Variants in OC90 observed in about 807,000 individuals in gnomAD.
OC90 encodes otoconin-90.
In OC90, 46 loss-of-function variants were observed where a neutral mutation model predicts 47.3. The observed-to-expected ratio is 0.97, with a 90% CI of 0.77 to 1.24. The LOEUF is 1.24. OC90 is among the 50% of genes most tolerant of loss of function. OC90 has a pLI of 0.00. For synonymous variants in OC90, 271 were observed against 219.5 expected, an observed-to-expected ratio of 1.23 and a Z score of -2.07; for missense variants, 688 against 583.9, an observed-to-expected ratio of 1.18 and a Z score of -1.84.
chr8:132,034,352 TAGTC>T (rs1288087356), intron 10 of OC90, among the ~76,000 whole-genome samples: 1 of 152,202 alleles, frequency 6.6e-6, no homozygotes, highest in African/African-American at 2.4e-5. Context: ...AATTAGGAAA[TAGTC>T]AGTAGTAGCT....
intron 2 of OC90, among the ~76,000 whole-genome samples, chr8:132,046,195 G>T (rs1456230613): frequency 1.3e-5 from 2 of 152,104 alleles, no homozygotes; most frequent in Non-Finnish European, 2.9e-5. Flanking sequence ...TATTTAGATT[G>T]CAGGTTTGTT....
At chr8:132,027,349 T>TGATA (rs1237109888) in intron 13 of OC90, among the ~76,000 whole-genome samples, 2 of 151,398 alleles carry the variant, frequency 1.3e-5, no homozygotes, top group African/African-American at 4.9e-5. Flanking sequence ...AATGAGAGAG[T>TGATA]GATATGTAAA....
intron 13 of OC90, among the ~76,000 whole-genome samples, chr8:132,026,934 T>G (rs1822767351): frequency 6.6e-6 from 1 of 152,104 alleles, no homozygotes; most frequent in South Asian, 2.1e-4. Flanking sequence ...CCACTTTCTG[T>G]TCCAGCAATA....
intron 2 of OC90, among the ~76,000 whole-genome samples, chr8:132,048,929 C>T (rs756670092): frequency 1.3e-4 from 19 of 151,560 alleles, no homozygotes; most frequent in Non-Finnish European, 2.2e-4. Context: ...GGCTGAGGCA[C>T]CCACAGGGTG....
At chr8:132,026,350 T>A (rs904486017) in intron 13 of OC90, among the ~76,000 whole-genome samples, 1 of 152,218 alleles carries the variant, frequency 6.6e-6, no homozygotes, top group Non-Finnish European at 1.5e-5. Flanking sequence ...TTTTTTCCTA[T>A]CATATACCAC....
intron 4 of OC90, 105 bp downstream of exon 4, chr8:132,044,328 C>T: frequency 1.4e-6 from 1 of 694,042 alleles, no homozygotes; most frequent in Admixed American, 2.3e-5. Context: ...CTGTGGAGGC[C>T]ATGGGAGCTC....
chr8:132,058,054 G>A (rs1428663641), intron 1 of OC90, among the ~76,000 whole-genome samples: 1 of 152,208 alleles, frequency 6.6e-6, no homozygotes, highest in Non-Finnish European at 1.5e-5. Flanking sequence ...GACCCTTAGG[G>A]TGGCCAGCTT....
intron 13 of OC90, among the ~76,000 whole-genome samples, chr8:132,025,092 G>A (rs570446431): frequency 1.3e-4 from 20 of 152,318 alleles, no homozygotes; most frequent in East Asian, 5.8e-4. Flanking sequence ...ATCCCACTTC[G>A]TGTTTTTTTC....
intron 1 of OC90, among the ~76,000 whole-genome samples, chr8:132,059,004 C>T (rs989299310): frequency 1.3e-5 from 2 of 152,014 alleles, no homozygotes; most frequent in Admixed American, 6.6e-5. Context: ...CATTTATCTC[C>T]TCATTTCCCC....
intron 12 of OC90, among the ~76,000 whole-genome samples, chr8:132,029,559 C>A (rs1016555611): frequency 3.3e-5 from 5 of 151,952 alleles, no homozygotes; most frequent in African/African-American, 1.2e-4. Context: ...GCAAAGGTAC[C>A]ATATGGGCTA....
At chr8:132,042,269 T>C (rs1439948439) in intron 4 of OC90, among the ~76,000 whole-genome samples, 1 of 152,184 alleles carries the variant, frequency 6.6e-6, no homozygotes, top group Non-Finnish European at 1.5e-5. Flanking sequence ...TGGAGCAAGA[T>C]AGACAGAGGC....
Position 132,058,587 on chromosome 8 carries a change from G to A in OC90, c.-48+754C>T, listed in dbSNP as rs184292591. 3.8e-3 allele frequency among the ~76,000 whole-genome samples: 579 copies of A among 152,272 alleles called. 4 individuals carry two copies. The highest frequency in any genetic ancestry group is 0.013 in the African/African-American group (544 of 41,548). On this transcript the variant is annotated intron_variant, in intron 1 of 13. Transcript: ENST00000254627. ...CTGCCTTTTGCTTGTCGAGTGCCCT[G>A]AGCCAGGCACTGAAGATGCCTGGAA...
chr8:132,032,277 A>G (rs913151797), intron 11 of OC90, among the ~76,000 whole-genome samples: 1 of 152,098 alleles, frequency 6.6e-6, no homozygotes, highest in African/African-American at 2.4e-5. Context: ...CTAGGCTTCT[A>G]ATGCTCTATA....
At chr8:132,040,438 C>A (rs1455272357) in intron 6 of OC90, among the ~76,000 whole-genome samples, 1 of 152,212 alleles carries the variant, frequency 6.6e-6, no homozygotes, top group Non-Finnish European at 1.5e-5. Flanking sequence ...GCGTATTCTA[C>A]CTCTGCCAGG....
chr8:132,039,101 G>T lies in OC90; in HGVS notation c.480C>A (p.His160Gln), dbSNP rs1427821621. Residue 160 changes from histidine to glutamine, a missense_variant, in exon 7 of 14, where the codon CAC (histidine) becomes CAA (glutamine). His to Gln is a conservative substitution (Grantham distance 24, BLOSUM62 0). Transcript: ENST00000254627. The part of the protein sequence containing the change: ...IICESKDNCE[H>Q]LLCTCDKAAI... ...CAGCCTTATCACAGGTACACAGCAG[G>T]TGCTCACAGTTGTCCTTGGACTCTG... 1 of 1,611,396 alleles carries T rather than the reference G, an allele frequency of 6.2e-7. No homozygotes were observed. The highest frequency in any genetic ancestry group is 1.1e-5 in the South Asian group (1 of 90,398).
chr8:132,031,062 G>T (rs1466064188), intron 12 of OC90, among the ~76,000 whole-genome samples: 1 of 152,160 alleles, frequency 6.6e-6, no homozygotes, highest in African/African-American at 2.4e-5. Flanking sequence ...CTGTCCCCAT[G>T]TGCAGTCTTT....
At chr8:132,034,558 A>T (rs747922196) in intron 10 of OC90, among the ~76,000 whole-genome samples, 1 of 152,168 alleles carries the variant, frequency 6.6e-6, no homozygotes, top group East Asian at 1.9e-4. Context: ...CTAATTTGAG[A>T]TCCCCTCACT....
At chr8:132,041,383 C>A in intron 5 of OC90, 142 bp downstream of exon 5, 1 of 710,760 alleles carries the variant, frequency 1.4e-6, no homozygotes. Flanking sequence ...ATGAGTCACC[C>A]AACTAGTAGG....
At chr8:132,041,420 C>A (rs1823050818) in intron 5 of OC90, 105 bp downstream of exon 5, 1 of 1,030,014 alleles carries the variant, frequency 9.7e-7, no homozygotes, top group Admixed American at 2.6e-5. Context: ...TCTCCTGAGT[C>A]CCAAGTCCAG....
Sources: gnomAD v4.1 joint callset for allele counts (sites outside exome capture counted in the v4.1 genomes callset) on GRCh38, gnomAD v4.1.1 for gene constraint, MANE v1.5 for transcripts, NCBI Gene and HGNC (gene_info 2026-07-23, HGNC 2026-07-21) for gene names.